The following SLCO6A1 variants were observed in gnomAD, a reference collection of about 807,000 sequenced individuals.
SLCO6A1 encodes the protein solute carrier organic anion transporter family member 6A1.
A neutral mutation model predicts 72.7 loss-of-function variants in SLCO6A1; 65 were observed. The ratio of observed to expected loss-of-function variants is 0.89; its 90% CI spans 0.73 to 1.10. The LOEUF is 1.10. SLCO6A1 is among the 50% of genes least tolerant of loss of function. The pLI is 0.00. For missense variants in SLCO6A1, 874 were observed against 872.6 expected, an observed-to-expected ratio of 1.00 and a Z score of -0.02; for synonymous variants, 314 against 298.2, an observed-to-expected ratio of 1.05 and a Z score of -0.55.
chr5:102,382,302 T>A (rs1746153433), intron 12 of SLCO6A1, among the ~76,000 whole-genome samples: 3 of 151,846 alleles, frequency 2.0e-5, no homozygotes, highest in Admixed American at 2.0e-4. Flanking sequence ...TATAAATGCA[T>A]AGTTTATTTC....
At chr5:102,420,587 GGGA>G (rs150192733) in intron 7 of SLCO6A1, among the ~76,000 whole-genome samples, 10,835 of 151,826 alleles carry the variant, frequency 0.071, 442 homozygotes, top group African/African-American at 0.1. Flanking sequence ...AAAAAGGAGG[GGGA>G]GGAGGAGGAG....
intron 6 of SLCO6A1, among the ~76,000 whole-genome samples, chr5:102,440,591 C>G (rs1749781696): frequency 6.6e-6 from 1 of 152,194 alleles, no homozygotes; most frequent in South Asian, 2.1e-4. Context: ...ACCAGCGCCT[C>G]CATCCCAGAA....
chr5:102,431,490 C>T (rs1304213318), intron 7 of SLCO6A1, among the ~76,000 whole-genome samples: 2 of 151,956 alleles, frequency 1.3e-5, no homozygotes, highest in Non-Finnish European at 2.9e-5. Flanking sequence ...TCATTACTTA[C>T]CCAAAAGTCA....
At chr5:102,466,468 A>G (rs1224096357) in intron 4 of SLCO6A1, among the ~76,000 whole-genome samples, 2 of 152,086 alleles carry the variant, frequency 1.3e-5, no homozygotes, top group African/African-American at 4.8e-5. Flanking sequence ...GCTATTGTGA[A>G]TAATGCTGCA....
intron 7 of SLCO6A1, among the ~76,000 whole-genome samples, chr5:102,430,961 T>G (rs1749184641): frequency 6.6e-6 from 1 of 152,132 alleles, no homozygotes; most frequent in African/African-American, 2.4e-5. Flanking sequence ...TATTGCTATT[T>G]CAGTTTTGGA....
chr5:102,475,852 A>T, intron 3 of SLCO6A1, 59 bp from the exon 4 acceptor site: 1 of 1,326,506 alleles, frequency 7.5e-7, no homozygotes, highest in Non-Finnish European at 1.1e-6. Context: ...CTTCGTTATG[A>T]TAAAAATTGA....
intron 4 of SLCO6A1, among the ~76,000 whole-genome samples, chr5:102,461,155 A>C (rs1751019635): frequency 6.6e-6 from 1 of 151,812 alleles, no homozygotes; most frequent in African/African-American, 2.4e-5. Flanking sequence ...TCAACTAAAA[A>C]AACTATCAAT....
chr5:102,478,440 T>A (rs1752024324), intron 2 of SLCO6A1, among the ~76,000 whole-genome samples: 1 of 152,202 alleles, frequency 6.6e-6, no homozygotes, highest in South Asian at 2.1e-4. Context: ...TCTTTAACAA[T>A]CTTTATATTC....
At chr5:102,407,426 T>A (rs1747731585) in intron 9 of SLCO6A1, among the ~76,000 whole-genome samples, 1 of 152,202 alleles carries the variant, frequency 6.6e-6, no homozygotes, top group Non-Finnish European at 1.5e-5. Flanking sequence ...AGTGCTTCAA[T>A]AAAAGTTGCT....
At chr5:102,399,506 CT>C (rs1561429218) in intron 10 of SLCO6A1, 48 bp downstream of exon 10, 1 of 1,158,918 alleles carries the variant, frequency 8.6e-7, no homozygotes, top group East Asian at 3.1e-5. Context: ...TCCAAAATTA[CT>C]TTTCTTATAT....
intron 6 of SLCO6A1, among the ~76,000 whole-genome samples, chr5:102,454,805 A>G (rs1232093113): frequency 6.6e-6 from 1 of 151,672 alleles, no homozygotes; most frequent in Non-Finnish European, 1.5e-5. Flanking sequence ...TGGCTTCTGT[A>G]TAGTTAAAAT....
Position 102,413,101 on chromosome 5 carries a change from T to C in SLCO6A1, c.1515A>G (p.Lys505=). The C allele has an allele frequency of 6.4e-7, 1 of 1,568,028 alleles. No homozygotes were observed. Among genetic ancestry groups the C allele is most frequent in the Non-Finnish European group, 8.6e-7 (1 of 1,163,788 alleles). The part of the protein sequence containing the change: ...LGNLTAPCNE[K]CRCSSSIYSS... ...AATAAATTGAAGATGAGCATCTACATTTTTCATTGCAAGGAGCCGTGAGGT... is the reference window on the plus strand; with the variant it reads ...AATAAATTGAAGATGAGCATCTACACTTTTCATTGCAAGGAGCCGTGAGGT... The change falls in exon 9 of 14, where the codon AAA becomes AAG. Residue 505 remains lysine, a synonymous_variant. Coordinates refer to ENST00000506729, the MANE Select transcript of SLCO6A1 (RefSeq NM_173488.5).
intron 6 of SLCO6A1, among the ~76,000 whole-genome samples, chr5:102,457,560 A>T (rs1561478087): frequency 2.0e-5 from 3 of 152,188 alleles, no homozygotes; most frequent in South Asian, 4.1e-4. Context: ...AGATACCATC[A>T]CACACCAGTT....
intron 7 of SLCO6A1, among the ~76,000 whole-genome samples, chr5:102,422,728 C>T (rs779299679): frequency 6.6e-6 from 1 of 152,090 alleles, no homozygotes; most frequent in Non-Finnish European, 1.5e-5. Context: ...AGAACTTCCC[C>T]AACCTAGCAA....
chr5:102,383,732 C>G (rs1746251941), intron 12 of SLCO6A1, among the ~76,000 whole-genome samples: 1 of 151,712 alleles, frequency 6.6e-6, no homozygotes, highest in African/African-American at 2.4e-5. Flanking sequence ...AGAAATGTTC[C>G]TTTCTCTTCA....
intron 1 of SLCO6A1, among the ~76,000 whole-genome samples, chr5:102,484,103 C>T (rs1279500912): frequency 1.3e-5 from 2 of 152,190 alleles, no homozygotes; most frequent in East Asian, 1.9e-4. Flanking sequence ...ATTGCAGCAG[C>T]TATTTTGTCT....
intron 9 of SLCO6A1, among the ~76,000 whole-genome samples, chr5:102,406,023 A>G (rs34752273): frequency 6.6e-6 from 1 of 152,078 alleles, no homozygotes; most frequent in Non-Finnish European, 1.5e-5. Context: ...ATTCAATTAA[A>G]AATCAATTCA....
intron 8 of SLCO6A1, among the ~76,000 whole-genome samples, chr5:102,418,510 T>TA (rs1174159656): frequency 2.0e-5 from 3 of 152,192 alleles, no homozygotes; most frequent in African/African-American, 7.2e-5. Context: ...TGTTAATTTT[T>TA]ATTAATTCTA....
At chr5:102,379,671 AT>A in intron 12 of SLCO6A1, among the ~76,000 whole-genome samples, 1 of 151,160 alleles carries the variant, frequency 6.6e-6, no homozygotes, top group Non-Finnish European at 1.5e-5. Flanking sequence ...ATAGGTTTTT[AT>A]ATGTTAGCAT....
Sources: gnomAD v4.1 joint callset for allele counts (sites outside exome capture counted in the v4.1 genomes callset) on GRCh38, gnomAD v4.1.1 for gene constraint, MANE v1.5 for transcripts, NCBI Gene and HGNC (gene_info 2026-07-23, HGNC 2026-07-21) for gene names.